RIPOR2: variants seen among roughly 807,000 people sequenced by gnomAD.
RIPOR2 encodes rho family-interacting cell polarization regulator 2.
A neutral mutation model predicts 114.5 loss-of-function variants in RIPOR2; 39 were observed. That is an observed-to-expected ratio of 0.34 (90% CI 0.26 to 0.44). The LOEUF (loss-of-function observed/expected upper bound fraction) is 0.44, where lower values mean the gene tolerates loss of function less well. Among genes scored for constraint, RIPOR2 ranks in the 20% least tolerant of loss-of-function variants. RIPOR2 has a pLI of 1.00. For synonymous variants in RIPOR2, 445 were observed against 484.4 expected (o/e 0.92, Z 1.07); for missense variants, 1,007 against 1,255.1 (o/e 0.80, Z 2.99).
chr6:24,827,684 C>T (rs6927418), intron 18 of RIPOR2, among the ~76,000 whole-genome samples: 74,711 of 152,024 alleles, frequency 0.49, 18,822 homozygotes, highest in Non-Finnish European at 0.55. Context: ...GTACCCTGGA[C>T]ATGGAGCCCT....
chr6:24,920,407 C>A (rs1405725873), intron 1 of RIPOR2, among the ~76,000 whole-genome samples: 1 of 152,150 alleles, frequency 6.6e-6, no homozygotes, highest in Non-Finnish European at 1.5e-5. Flanking sequence ...ACACTGCTTC[C>A]CAGGACATTA....
chr6:24,937,906 A>C (rs1047174962), upstream of RIPOR2, among the ~76,000 whole-genome samples: 26 of 151,990 alleles, frequency 1.7e-4, 1 homozygote, highest in African/African-American at 6.3e-4. Context: ...GCTCTTGGGG[A>C]CCTGCACTAC....
At chr6:24,992,759 G>C (rs995301125) in intron 1 of RIPOR2, among the ~76,000 whole-genome samples, 1 of 152,112 alleles carries the variant, frequency 6.6e-6, no homozygotes. Context: ...AATAGCCAAG[G>C]CAATCCTAAG....
At chr6:24,831,650 AG>A (rs2113684410) in intron 16 of RIPOR2, among the ~76,000 whole-genome samples, 1 of 152,320 alleles carries the variant, frequency 6.6e-6, no homozygotes, top group South Asian at 2.1e-4. Flanking sequence ...AGGAAGTTTT[AG>A]GCTTAATCAG....
upstream of RIPOR2, among the ~76,000 whole-genome samples, chr6:24,938,127 T>G (rs1281964738): frequency 6.6e-6 from 1 of 152,162 alleles, no homozygotes; most frequent in Non-Finnish European, 1.5e-5. Context: ...ATTGAAGATA[T>G]AATTAGTTAG....
chr6:24,979,465 T>A (rs934483920), intron 1 of RIPOR2, among the ~76,000 whole-genome samples: 14 of 152,044 alleles, frequency 9.2e-5, no homozygotes, highest in African/African-American at 3.1e-4. Context: ...AGCTCCCCAT[T>A]TTGAAAAGGT....
chr6:25,015,910 T>TAAGGAGTC (rs1561844747), intron 1 of RIPOR2: 2 of 136,704 alleles, frequency 1.5e-5, no homozygotes, highest in Non-Finnish European at 3.1e-5. Context: ...TTTTTTTTTT[T>TAAGGAGTC]TTTTTTTTTT....
At chr6:24,895,904 T>G (rs1037232813) in intron 1 of RIPOR2, among the ~76,000 whole-genome samples, 25 of 152,094 alleles carry the variant, frequency 1.6e-4, no homozygotes, top group Non-Finnish European at 3.4e-4. Flanking sequence ...GGCGGAAGAA[T>G]GGCGTGAACC....
chr6:24,960,091 T>A (rs1773234525), intron 1 of RIPOR2, among the ~76,000 whole-genome samples: 1 of 152,168 alleles, frequency 6.6e-6, no homozygotes, highest in Admixed American at 6.5e-5. Context: ...GAGAATACAG[T>A]TAGTTCATTT....
At chr6:24,993,200 ATCTTTTGAACGGTTTTC>A (rs1320507643) in intron 1 of RIPOR2, among the ~76,000 whole-genome samples, 2 of 152,116 alleles carry the variant, frequency 1.3e-5, no homozygotes, top group Non-Finnish European at 2.9e-5. Flanking sequence ...AGATTCATTG[ATCTTTTGAACGGTTTTC>A]TCTTTGTAGG....
At chr6:25,041,113 G>A (rs1264673411) in intron 1 of RIPOR2, among the ~76,000 whole-genome samples, 1 of 152,156 alleles carries the variant, frequency 6.6e-6, no homozygotes, top group Non-Finnish European at 1.5e-5. Flanking sequence ...GAGACAGGAA[G>A]AAAGTGAACT....
intron 1 of RIPOR2, among the ~76,000 whole-genome samples, chr6:24,916,941 G>C (rs1024947525): frequency 6.6e-6 from 1 of 151,338 alleles, no homozygotes; most frequent in Non-Finnish European, 1.5e-5. Flanking sequence ...GACCTGTAAG[G>C]CTGCATAGGT....
chr6:24,934,014 G>A (rs185988273), intron 1 of RIPOR2, among the ~76,000 whole-genome samples: 3 of 152,290 alleles, frequency 2.0e-5, no homozygotes, highest in Admixed American at 2.0e-4. Context: ...GCATAATCCA[G>A]AGTGCAGTGC....
At chr6:24,906,987 C>G (rs1769068665) in intron 1 of RIPOR2, among the ~76,000 whole-genome samples, 1 of 152,102 alleles carries the variant, frequency 6.6e-6, no homozygotes, top group Non-Finnish European at 1.5e-5. Context: ...TTGACCAGAC[C>G]TTAGAATAAT....
chr6:24,847,939 G>T, intron 12 of RIPOR2, 86 bp downstream of exon 12: 1 of 1,549,346 alleles, frequency 6.5e-7, no homozygotes, highest in South Asian at 1.2e-5. Context: ...CTAACTCCCA[G>T]CACTGTCTCT....
Position 25,032,239 on chromosome 6 carries a change from C to G in RIPOR2, c.76+9612G>C, listed in dbSNP as rs1581988623. 4.0e-5 allele frequency among the ~76,000 whole-genome samples: 6 copies of G among 150,900 alleles called. No individual in the cohort carries two copies. The South Asian group carries it at 1.3e-3, about 32-fold the overall frequency. ...ATTGAAGGATTGGATTAATTTCACT[C>G]AATTTGTAACAAACCTCAGGGAACA... On this transcript the variant is annotated intron_variant, in intron 1 of 13. Coordinates refer to the RIPOR2 transcript ENST00000510784.
chr6:24,857,706 T>G (rs1435823281), intron 8 of RIPOR2, among the ~76,000 whole-genome samples: 1 of 152,204 alleles, frequency 6.6e-6, no homozygotes, highest in Non-Finnish European at 1.5e-5. Flanking sequence ...TGGTGGTTCT[T>G]CCTTCTGAGG....
At chr6:24,982,730 ACTAAAAACGAT>A (rs1774351118) in intron 1 of RIPOR2, among the ~76,000 whole-genome samples, 1 of 152,166 alleles carries the variant, frequency 6.6e-6, no homozygotes, top group African/African-American at 2.4e-5. Context: ...AAATACCTCC[ACTAAAAACGAT>A]CTAATATTAA....
intron 1 of RIPOR2, chr6:24,877,158 A>G: frequency 1.0e-6 from 1 of 985,456 alleles, no homozygotes; most frequent in Non-Finnish European, 1.2e-6. Context: ...GTACATCCAG[A>G]TGTAATGGAA....
Sources: allele counts gnomAD v4.1 joint callset (sites outside exome capture counted in the v4.1 genomes callset), GRCh38; gene constraint gnomAD v4.1.1; transcripts MANE v1.5; gene names NCBI Gene and HGNC (gene_info 2026-07-23, HGNC 2026-07-21).